HTR2C: variants seen among roughly 807,000 people sequenced by gnomAD.
HTR2C encodes 5-hydroxytryptamine receptor 2C.
In HTR2C, 5 loss-of-function variants were observed where a neutral mutation model predicts 21.0. The observed-to-expected ratio is 0.24, with a 90% confidence interval of 0.12 to 0.50. The LOEUF (loss-of-function observed/expected upper bound fraction) is 0.50. Ranked by LOEUF, HTR2C falls within the 20% of genes least tolerant of loss-of-function variation. The probability of loss-of-function intolerance (pLI) is 0.98; values close to 1 mark genes in which losing one functional copy is unlikely to be tolerated. For synonymous variants in HTR2C, 150 were observed against 145.3 expected (o/e 1.03, Z -0.23); for missense variants, 271 against 371.2 (o/e 0.73, Z 2.22).
chrX:114,701,934 G>A (rs1252330438), intron 2 of HTR2C, among the ~76,000 whole-genome samples: 3 of 111,504 alleles, frequency 2.7e-5, no homozygotes, highest in African/African-American at 9.8e-5. Context: ...AGGAGCCGAT[G>A]CAATCAACTG....
chrX:114,772,126 T>C (rs183289148), intron 4 of HTR2C, among the ~76,000 whole-genome samples: 1 of 112,022 alleles, frequency 8.9e-6, no homozygotes, highest in East Asian at 2.8e-4. Context: ...TTGGTTAATT[T>C]CCAAGATTCT....
At chrX:114,883,372 A>C (rs1556480316) in intron 5 of HTR2C, among the ~76,000 whole-genome samples, 1 of 110,374 alleles carries the variant, frequency 9.1e-6, no homozygotes, top group East Asian at 2.8e-4. Context: ...TTCAAGAGTC[A>C]GCTTTATTTT....
chrX:114,614,846 G>T (rs928273507), intron 2 of HTR2C, among the ~76,000 whole-genome samples: 1 of 111,623 alleles, frequency 9.0e-6, no homozygotes, highest in African/African-American at 3.3e-5. Flanking sequence ...GTTAAACAAG[G>T]TGAATTTAAA....
rs1421705561 is a variant in HTR2C at position 114,907,429 on chromosome X, A to C, written c.*14A>C. 3.5e-6 allele frequency: 4 copies of C among 1,130,303 alleles called. No individual in the cohort carries two copies. The African/African-American group carries it at 7.2e-5, about 20-fold the overall frequency. The allele number at this position is 1,130,303 out of a possible 1,213,427, so 93.1% of individuals were successfully genotyped here. A position where few individuals can be genotyped will look rare whatever the true frequency, so the allele number is the denominator to read the frequency against. On this transcript the variant is annotated 3_prime_UTR_variant, in exon 6 of 6. Coordinates refer to ENST00000276198, the MANE Select transcript of HTR2C (RefSeq NM_000868.4). ...AGCAGTGTGTGAGAAAGAACAGCAC[A>C]GTCTTTTCCTACGGTACAAGCTACA... is the stretch of plus-strand genomic sequence containing the variant.
chrX:114,833,643 A>G (rs1393315344), intron 4 of HTR2C, among the ~76,000 whole-genome samples: 4 of 109,752 alleles, frequency 3.6e-5, no homozygotes, highest in Non-Finnish European at 7.6e-5. Flanking sequence ...GATCCTTTCA[A>G]AAAACCAGCT....
At chrX:114,828,409 T>C (rs985244059) in intron 4 of HTR2C, among the ~76,000 whole-genome samples, 4 of 111,298 alleles carry the variant, frequency 3.6e-5, no homozygotes, top group Admixed American at 1.9e-4. Flanking sequence ...TGTCTACAAA[T>C]TCCAACATTT....
chrX:114,801,726 G>A (rs2070348365), intron 4 of HTR2C, among the ~76,000 whole-genome samples: 1 of 110,931 alleles, frequency 9.0e-6, no homozygotes, highest in Admixed American at 9.7e-5. Flanking sequence ...GTGTACATGA[G>A]ATCTTTTGAT....
At chrX:114,906,564 AC>A (rs1270222855) in intron 5 of HTR2C, 24 bp from the exon 6 acceptor site, 6 of 1,079,476 alleles carry the variant, frequency 5.6e-6, no homozygotes, top group Non-Finnish European at 7.6e-6. Flanking sequence ...TGCTATAACA[AC>A]CCCCTTCCTT....
intron 5 of HTR2C, among the ~76,000 whole-genome samples, chrX:114,853,312 T>C (rs2070934434): frequency 9.0e-6 from 1 of 111,499 alleles, no homozygotes; most frequent in Admixed American, 9.6e-5. Flanking sequence ...AATGAAAATA[T>C]TTTCTGTTTG....
chrX:114,605,259 C>T (rs1928356411), intron 1 of HTR2C, among the ~76,000 whole-genome samples: 2 of 112,012 alleles, frequency 1.8e-5, no homozygotes, highest in African/African-American at 3.3e-5. Flanking sequence ...AACTGTAAGC[C>T]GGACCAGGTG....
chrX:114,775,536 A>G (rs2070048535), intron 4 of HTR2C: 1 of 487,159 alleles, frequency 2.1e-6, no homozygotes, highest in Non-Finnish European at 3.8e-6. Context: ...ATGCTTGATG[A>G]GGACAGGAGG....
At chrX:114,836,371 AGGACCC>A (rs2070783567) in intron 4 of HTR2C, among the ~76,000 whole-genome samples, 1 of 112,536 alleles carries the variant, frequency 8.9e-6, no homozygotes, top group Non-Finnish European at 1.9e-5. Flanking sequence ...CCGTGGGCGT[AGGACCC>A]TCCAAACCAG....
At chrX:114,851,833 G>A (rs941243291) in intron 5 of HTR2C, among the ~76,000 whole-genome samples, 1 of 111,138 alleles carries the variant, frequency 9.0e-6, no homozygotes, top group Non-Finnish European at 1.9e-5. Context: ...GTTTTATAAA[G>A]CAGGATGCAG....
chrX:114,754,992 C>A (rs2069797164), intron 4 of HTR2C, among the ~76,000 whole-genome samples: 1 of 111,870 alleles, frequency 8.9e-6, no homozygotes, highest in East Asian at 2.8e-4. Context: ...ATAATCCCTG[C>A]ACTTTGGGAG....
At chrX:114,696,621 GTT>G (rs199524362) in intron 2 of HTR2C, among the ~76,000 whole-genome samples, 11 of 105,256 alleles carry the variant, frequency 1.0e-4, no homozygotes, top group South Asian at 4.3e-4. Flanking sequence ...CAGATAACAG[GTT>G]TTTTTTTTTC....
intron 4 of HTR2C, among the ~76,000 whole-genome samples, chrX:114,845,243 C>T (rs2147486552): frequency 9.1e-6 from 1 of 109,673 alleles, no homozygotes; most frequent in East Asian, 2.8e-4. Context: ...TACAAATATG[C>T]AAAAATTAAA....
At chrX:114,785,019 C>T (rs1482250909) in intron 4 of HTR2C, among the ~76,000 whole-genome samples, 1 of 111,511 alleles carries the variant, frequency 9.0e-6, no homozygotes. Context: ...CTGTATTTAC[C>T]AATAAGGTCA....
At chrX:114,700,840 C>T (rs1932448573) in intron 2 of HTR2C, among the ~76,000 whole-genome samples, 1 of 112,343 alleles carries the variant, frequency 8.9e-6, no homozygotes, top group Non-Finnish European at 1.9e-5. Flanking sequence ...CCTGGAAAAT[C>T]GGGTCACTCC....
At position 114,706,462 on chromosome X, in the gene HTR2C, A is replaced by T. The variant is rs1353022883; in HGVS notation, c.-79-20396A>T. ...TCTCGGTAAACTATTGCAAGGAAAAAAAACCAAACACCGCATGTTCTCACT... is the reference window on the plus strand; with the variant it reads ...TCTCGGTAAACTATTGCAAGGAAAATAAACCAAACACCGCATGTTCTCACT... On this transcript the variant is annotated intron_variant, in intron 2 of 5. Coordinates refer to ENST00000276198, the MANE Select transcript of HTR2C (RefSeq NM_000868.4). Among the ~76,000 whole-genome samples the T allele has an allele frequency of 2.6e-3, 276 of 104,641 alleles. 1 individual carries two copies. Among genetic ancestry groups the T allele is most frequent in the African/African-American group, 9.1e-3 (260 of 28,689 alleles). The allele number at this position is 104,641 out of a possible 115,157, so 90.9% of individuals were successfully genotyped here. A position where few individuals can be genotyped will look rare whatever the true frequency, so the allele number is the denominator to read the frequency against.
Sources: allele counts gnomAD v4.1 joint callset (sites outside exome capture counted in the v4.1 genomes callset), GRCh38; gene constraint gnomAD v4.1.1; transcripts MANE v1.5; gene names NCBI Gene and HGNC (gene_info 2026-07-23, HGNC 2026-07-21).